Variants in KIF1A observed in about 807,000 individuals in gnomAD.
KIF1A encodes kinesin family member 1A.
A neutral mutation model predicts 227.3 loss-of-function variants in KIF1A; 46 were observed. The observed-to-expected ratio is 0.20, with a 90% CI of 0.16 to 0.26. The LOEUF (loss-of-function observed/expected upper bound fraction) is 0.26. Ranked by LOEUF, KIF1A falls within the 10% of genes least tolerant of loss-of-function variation. KIF1A has a pLI of 1.00. For missense variants in KIF1A, 1,683 were observed against 2,485.9 expected, an observed-to-expected ratio of 0.68 and a Z score of 6.87; for synonymous variants, 1,022 against 1,012.8, an observed-to-expected ratio of 1.01 and a Z score of -0.17.
chr2:240,785,441 G>A (rs1444156747), intron 6 of KIF1A, among the ~76,000 whole-genome samples: 3 of 152,248 alleles, frequency 2.0e-5, no homozygotes, highest in South Asian at 2.1e-4. Flanking sequence ...AAGGGGGAAA[G>A]GGCTGTCCAC....
chr2:240,772,066 G>C (rs557333481), intron 14 of KIF1A, among the ~76,000 whole-genome samples: 1 of 152,212 alleles, frequency 6.6e-6, no homozygotes, highest in Admixed American at 6.5e-5. Flanking sequence ...GGCAGTATCC[G>C]CTGTGAAAGC....
chr2:240,765,478 G>A (rs543270992), intron 20 of KIF1A, among the ~76,000 whole-genome samples: 14 of 152,356 alleles, frequency 9.2e-5, no homozygotes, highest in African/African-American at 2.9e-4. Context: ...TCAGTGTCTC[G>A]GGGCCCCTGT....
intron 38 of KIF1A, chr2:240,728,412 G>T (rs1225019329): frequency 2.2e-5 from 29 of 1,302,100 alleles, no homozygotes; most frequent in Non-Finnish European, 2.8e-5. Context: ...CCAATGAAAC[G>T]CTAAAGGTGG....
intron 20 of KIF1A, 66 bp from the exon 21 acceptor site, chr2:240,763,412 G>T (rs527918383): frequency 3.5e-5 from 50 of 1,444,976 alleles, no homozygotes; most frequent in Non-Finnish European, 4.4e-5. Flanking sequence ...GGTCTCAAGC[G>T]GGGAGGCGTG....
intron 2 of KIF1A, among the ~76,000 whole-genome samples, chr2:240,796,699 G>A (rs2056437221): frequency 6.6e-6 from 1 of 152,190 alleles, no homozygotes; most frequent in African/African-American, 2.4e-5. Flanking sequence ...ACTGCACCAT[G>A]ATTAGCCACA....
rs896428645 is a variant in KIF1A at position 240,752,640 on chromosome 2, A to G, written c.2859-2093T>C. Among the ~76,000 whole-genome samples the G allele has an allele frequency of 1.3e-4, 19 of 151,940 alleles. No individual in the cohort carries two copies. Among genetic ancestry groups the G allele is most frequent in the Non-Finnish European group, 1.0e-4 (7 of 67,964 alleles). ...ACCACACTGGGGGAGACATAATGAG[A>G]CCAGACGGGACAGCCCATGCTGTGG... On this transcript the variant is annotated intron_variant, in intron 27 of 48. Coordinates refer to ENST00000498729, the MANE Select transcript of KIF1A (RefSeq NM_001244008.2). This position sits in a 1 kb window ranked among gnomAD's most constrained non-coding sequence, Gnocchi z 6.4.
chr2:240,812,782 A>C (rs2057982947), intron 1 of KIF1A, among the ~76,000 whole-genome samples: 15 of 124,230 alleles, frequency 1.2e-4, no homozygotes, highest in East Asian at 2.5e-4. Flanking sequence ...ATCTGCCTTC[A>C]CCTCTGGGTC....
At position 240,789,479 on chromosome 2, in the gene KIF1A, T is replaced by C. The variant is rs1275184169; in HGVS notation, c.107-167A>G. On this transcript the variant is annotated intron_variant, in intron 2 of 48. Coordinates refer to ENST00000498729, the MANE Select transcript of KIF1A (RefSeq NM_001244008.2). The surrounding 1 kb of genome is among the most constrained non-coding windows in gnomAD (Gnocchi z 4.8). The stretch of plus-strand genomic sequence containing the variant: ...ACCCCACTCCCAGGCAGATGAGCTG[T>C]CTCTGCCCCCTCCTTATGGTGGACG... Among the ~76,000 whole-genome samples, 1 of 152,296 alleles carries C rather than the reference T, an allele frequency of 6.6e-6. No individual in the cohort carries two copies. Among genetic ancestry groups the C allele is most frequent in the East Asian group, 1.9e-4 (1 of 5,188 alleles).
rs916169056 is a variant in KIF1A at position 240,771,283 on chromosome 2, A to T, written c.1208-179T>A. 3 of 759,914 alleles carry T rather than the reference A, an allele frequency of 3.9e-6. No individual in the cohort carries two copies. The African/African-American group carries it at 5.3e-5, about 14-fold the overall frequency. The allele number at this position is 759,914 out of a possible 1,614,324, so 47.1% of individuals were successfully genotyped here. The stretch of plus-strand genomic sequence containing the variant: ...ATGGGGCCCAGAGAAGGCAAGAAAC[A>T]GAAACCATCAACGAGGCACAGCAGC... On this transcript the variant is annotated intron_variant, in intron 14 of 48. Transcript: ENST00000498729.
At chr2:240,782,956 G>A in intron 9 of KIF1A, 88 bp downstream of exon 9, 1 of 1,097,524 alleles carries the variant, frequency 9.1e-7, no homozygotes. Flanking sequence ...CCCAGACACA[G>A]GGCCCGGAAA....
At chr2:240,807,535 G>C (rs139014905) in intron 1 of KIF1A, among the ~76,000 whole-genome samples, 336 of 152,294 alleles carry the variant, frequency 2.2e-3, no homozygotes, top group Middle Eastern at 3.4e-3. Context: ...ATACTGTATT[G>C]TCCAGGTAAT....
chr2:240,724,289 C>G (rs2045736263), intron 40 of KIF1A: 2 of 538,668 alleles, frequency 3.7e-6, no homozygotes, highest in South Asian at 2.0e-5. Flanking sequence ...CAGGCCCCCA[C>G]AGCAGCCTCC....
At chr2:240,762,638 C>T in intron 23 of KIF1A, 81 bp downstream of exon 23, 2 of 1,422,540 alleles carry the variant, frequency 1.4e-6, no homozygotes, top group African/African-American at 1.4e-5. Context: ...GACCAGTGAC[C>T]TCCAGGGAGA....
At chr2:240,818,431 C>A (rs2058480877) in intron 1 of KIF1A, among the ~76,000 whole-genome samples, 1 of 152,200 alleles carries the variant, frequency 6.6e-6, no homozygotes, top group Non-Finnish European at 1.5e-5. Context: ...ATCAACCAAA[C>A]AAGGAACCCC....
At chr2:240,782,976 CAG>C (rs780898173) in intron 9 of KIF1A, 66 bp downstream of exon 9, 6 of 1,282,324 alleles carry the variant, frequency 4.7e-6, no homozygotes, top group Non-Finnish European at 5.7e-6. Context: ...ACGAGGGTGA[CAG>C]GGGCAGGATG....
rs1454115861 is a variant in KIF1A at position 240,787,135 on chromosome 2, G to GA, written c.429+115dup. On this transcript the variant is annotated intron_variant, in intron 5 of 48. Transcript: ENST00000498729. Reference sequence around the variant, plus strand: ...TTGCCTGCCACTTGGATGAGTGAGGGACAAGCTGGGCGTGCAGACCCGTGG... The same window carrying GA: ...TTGCCTGCCACTTGGATGAGTGAGGGAACAAGCTGGGCGTGCAGACCCGTGG... 4 of 831,858 alleles carry GA rather than the reference G, an allele frequency of 4.8e-6. No individual in the cohort carries two copies. In the African/African-American group the frequency reaches 5.0e-5, roughly 10 times the overall value. 51.5% of individuals were successfully genotyped at this position (831,858 alleles called of 1,614,324 possible). A position where few individuals can be genotyped will look rare whatever the true frequency, so the allele number is the denominator to read the frequency against.
chr2:240,770,833 C>T (rs1014852726), intron 15 of KIF1A, 138 bp downstream of exon 15: 54 of 1,112,030 alleles, frequency 4.9e-5, no homozygotes, highest in African/African-American at 9.4e-5. Context: ...GGTGGCCACA[C>T]GCCAGAGGCT....
Position 240,742,981 on chromosome 2 carries a change from G to A in KIF1A, c.3588C>T (p.Pro1196=), listed in dbSNP as rs780416425. The change falls in exon 34 of 49, where the codon CCC becomes CCT. Residue 1196 remains proline, a synonymous_variant. Coordinates refer to ENST00000498729, the MANE Select transcript of KIF1A (RefSeq NM_001244008.2). The part of the protein sequence containing the change: ...FPPLCKDVLS[P]LRPSRRHFPR... ...GGAAGTGGCGGCGCGAGGGCCTCAGGGGGCTGTGGAGAAAGGACCAGTGTG... is the reference window on the plus strand; with the variant it reads ...GGAAGTGGCGGCGCGAGGGCCTCAGAGGGCTGTGGAGAAAGGACCAGTGTG... 2.5e-6 allele frequency: 4 copies of A among 1,609,496 alleles called. No individual in the cohort carries two copies. The highest frequency in any genetic ancestry group is 3.4e-6 in the Non-Finnish European group (4 of 1,177,632).
chr2:240,723,854 G>T, intron 41 of KIF1A, 121 bp downstream of exon 41: 1 of 901,940 alleles, frequency 1.1e-6, no homozygotes, highest in Non-Finnish European at 1.8e-6. Flanking sequence ...AAGCCACAAG[G>T]TGAGTGCTTG....
Sources: gnomAD v4.1 joint callset for allele counts (sites outside exome capture counted in the v4.1 genomes callset) on GRCh38, gnomAD v4.1.1 for gene constraint, Gnocchi (gnomAD v3.1) non-coding constraint, MANE v1.5 for transcripts, NCBI Gene and HGNC (gene_info 2026-07-23, HGNC 2026-07-21) for gene names.